The following ALDH5A1 variants were observed in gnomAD, a reference collection of about 807,000 sequenced individuals.
ALDH5A1 encodes succinate-semialdehyde dehydrogenase, mitochondrial.
Under a neutral mutation model 54.7 loss-of-function variants are expected in ALDH5A1, and 33 were observed. That is an observed-to-expected ratio of 0.60 (90% CI 0.46 to 0.81). The LOEUF is 0.81. Ranked by LOEUF, ALDH5A1 falls within the 30% of genes least tolerant of loss-of-function variation. The pLI is 0.00. For synonymous variants in ALDH5A1, 294 were observed against 292.7 expected (o/e 1.00, Z -0.05); for missense variants, 657 against 711.0 (o/e 0.92, Z 0.86).
chr6:24,532,213 C>A (rs1386122781), intron 9 of ALDH5A1, 36 bp downstream of exon 9: 4 of 1,601,624 alleles, frequency 2.5e-6, no homozygotes, highest in Non-Finnish European at 3.4e-6. Flanking sequence ...CAGTCATAAT[C>A]ATTTTTCTCC....
chr6:24,519,123 G>A (rs1052416392), intron 5 of ALDH5A1, among the ~76,000 whole-genome samples: 1 of 151,814 alleles, frequency 6.6e-6, no homozygotes, highest in Admixed American at 6.6e-5. Flanking sequence ...ATGGAGTCTC[G>A]CTCTGTAGCC....
intron 7 of ALDH5A1, among the ~76,000 whole-genome samples, chr6:24,526,903 A>T (rs368922336): frequency 1.5e-3 from 92 of 62,024 alleles, no homozygotes; most frequent in African/African-American, 2.0e-3. Context: ...ATATATATCT[A>T]CTATATATAT....
At chr6:24,516,297 G>A (rs977935389) in intron 5 of ALDH5A1, among the ~76,000 whole-genome samples, 3 of 151,512 alleles carry the variant, frequency 2.0e-5, no homozygotes, top group African/African-American at 2.4e-5. Context: ...TTAGCTGGGC[G>A]TGGTGGCGGG....
chr6:24,501,369 T>C (rs1002635501), intron 1 of ALDH5A1, among the ~76,000 whole-genome samples: 2 of 152,180 alleles, frequency 1.3e-5, no homozygotes, highest in African/African-American at 4.8e-5. Context: ...TGAATCAACT[T>C]GATGGAAGGA....
intron 1 of ALDH5A1, among the ~76,000 whole-genome samples, chr6:24,496,392 G>A (rs769043351): frequency 2.0e-5 from 3 of 152,200 alleles, no homozygotes; most frequent in South Asian, 4.1e-4. Context: ...GAGAGGATCC[G>A]GGCCAGAGGG....
intron 4 of ALDH5A1, among the ~76,000 whole-genome samples, chr6:24,511,611 T>C (rs137862704): frequency 0.017 from 2,605 of 152,088 alleles, 72 homozygotes; most frequent in African/African-American, 0.059. Context: ...TCAATTCTAT[T>C]GCTGAGGCTT....
intron 7 of ALDH5A1, among the ~76,000 whole-genome samples, chr6:24,526,087 A>G (rs527769496): frequency 1.3e-5 from 2 of 152,306 alleles, no homozygotes; most frequent in East Asian, 3.9e-4. Flanking sequence ...GCAAGTTAGA[A>G]TAAACCCAAG....
intron 1 of ALDH5A1, among the ~76,000 whole-genome samples, chr6:24,499,659 ATTTCT>A (rs1205683552): frequency 1.5e-5 from 2 of 135,190 alleles, no homozygotes; most frequent in South Asian, 2.4e-4. Context: ...CACCCAGATA[ATTTCT>A]TTTCTTTTTT....
In ALDH5A1 at chr6:24,527,043, A is replaced by G. The variant is rs374188358; in HGVS notation, c.1174-954A>G. Among the ~76,000 whole-genome samples, 76 of 146,150 alleles carry G rather than the reference A, an allele frequency of 5.2e-4. No individual in the cohort carries two copies. The East Asian group carries it at 0.012, about 23-fold the overall frequency. On this transcript the variant is annotated intron_variant, in intron 7 of 9. Coordinates refer to ENST00000357578, the MANE Select transcript of ALDH5A1 (RefSeq NM_001080.3). ...AAATTTTAGAATATCAGAGCATAGA[A>G]GATCCTAGGAGATTTCAGAGAGGAA... is the stretch of plus-strand genomic sequence containing the variant.
At position 24,503,507 on chromosome 6, in the gene ALDH5A1, G is replaced by A. The variant is rs546274315; in HGVS notation, c.609+74G>A. 867 of 1,542,582 alleles carry A rather than the reference G, an allele frequency of 5.6e-4. 5 individuals carry two copies. In the South Asian group the frequency reaches 8.2e-3, roughly 15 times the overall value. ...GTTGGGAAACAATTCATTCTTCCTC[G>A]TGAGCAGGTGTGCTCATCCTGTTAG... is the stretch of plus-strand genomic sequence containing the variant. On this transcript the variant is annotated intron_variant, in intron 3 of 9. Transcript: ENST00000357578.
At chr6:24,504,779 A>G (rs1263038218) in intron 3 of ALDH5A1, 90 bp from the exon 4 acceptor site, 6 of 1,297,796 alleles carry the variant, frequency 4.6e-6, no homozygotes, top group Non-Finnish European at 6.7e-6. Flanking sequence ...TGTGCAATGA[A>G]ATTTGTTCAC....
chr6:24,515,256 T>C lies in ALDH5A1; in HGVS notation c.816T>C (p.Cys272=), dbSNP rs779994754. The part of the protein sequence containing the change: ...KNAKEVGEAI[C]TDPLVSKISF... ...CCAAGGAAGTAGGGGAGGCAATTTGTACTGATCCTCTGGTGTCCAAAATTT... is the reference window on the plus strand; with the variant it reads ...CCAAGGAAGTAGGGGAGGCAATTTGCACTGATCCTCTGGTGTCCAAAATTT... The change falls in exon 5 of 10, where the codon TGT becomes TGC. Residue 272 remains cysteine (C), a synonymous_variant. Transcript: ENST00000357578. 6.2e-7 allele frequency: 1 copy of C among 1,614,176 alleles called. No individual in the cohort carries two copies. Among genetic ancestry groups the C allele is most frequent in the Non-Finnish European group, 8.5e-7 (1 of 1,180,022 alleles).
At chr6:24,501,223 C>T (rs991905344) in intron 1 of ALDH5A1, among the ~76,000 whole-genome samples, 2 of 152,110 alleles carry the variant, frequency 1.3e-5, no homozygotes, top group East Asian at 1.9e-4. Flanking sequence ...ATCTTGTTAT[C>T]GAAGTGTTCT....
rs1453663231 is a variant in ALDH5A1, at chr6:24,522,880, AG to A, written c.1130del (p.Gly377GlufsTer7). 2 of 1,614,042 alleles carry A rather than the reference AG, an allele frequency of 1.2e-6. No individual in the cohort carries two copies. Among genetic ancestry groups the A allele is most frequent in the African/African-American group, 2.7e-5 (2 of 74,914 alleles). ...NLRVGNGFEE[G>X]TTQGPLINEK... is the part of the protein sequence containing the mutation. Reference sequence around the variant, plus strand: ...TGCGCGTAGGTAATGGATTTGAGGAAGGAACTACTCAGGGCCCATTAATTAA... The same window carrying A: ...TGCGCGTAGGTAATGGATTTGAGGAAGAACTACTCAGGGCCCATTAATTAA... On this transcript the variant is annotated frameshift_variant, in exon 7 of 10. Transcript: ENST00000357578. LOFTEE classifies it high-confidence loss of function.
At chr6:24,497,201 G>T (rs1405301836) in intron 1 of ALDH5A1, among the ~76,000 whole-genome samples, 2 of 152,160 alleles carry the variant, frequency 1.3e-5, no homozygotes, top group African/African-American at 4.8e-5. Context: ...TGGGTGGGGC[G>T]TGGTGGCCAG....
At chr6:24,530,757 G>C (rs923776201) in intron 8 of ALDH5A1, among the ~76,000 whole-genome samples, 3 of 152,250 alleles carry the variant, frequency 2.0e-5, no homozygotes. Context: ...CCCATGGCTG[G>C]TGTACCTGCT....
chr6:24,534,650 G>C lies in ALDH5A1; in HGVS notation c.*938G>C. 1 of 152,302 alleles carries C rather than the reference G, an allele frequency of 6.6e-6. No homozygotes were observed. The allele number at this position is 152,302 out of a possible 1,614,324, so 9.4% of individuals were successfully genotyped here. Reference sequence around the variant, plus strand: ...CTTCACAAAAAAATGAAAATTCTAAGGACATACAAGAGCCATTGTTACGAG... The same window carrying C: ...CTTCACAAAAAAATGAAAATTCTAACGACATACAAGAGCCATTGTTACGAG... On this transcript the variant is annotated 3_prime_UTR_variant, in exon 10 of 10. Transcript: ENST00000357578.
chr6:24,503,783 G>C (rs1030503831), intron 3 of ALDH5A1, among the ~76,000 whole-genome samples: 10 of 152,158 alleles, frequency 6.6e-5, no homozygotes, highest in South Asian at 2.1e-4. Flanking sequence ...CTTAAGATAT[G>C]ATACATTTTT....
chr6:24,508,383 A>AT (rs1759400367), intron 4 of ALDH5A1, among the ~76,000 whole-genome samples: 1 of 52,796 alleles, frequency 1.9e-5, no homozygotes, highest in South Asian at 4.4e-4. Flanking sequence ...AAAAAAAAAA[A>AT]AAAAAGATTA....
Sources: allele counts gnomAD v4.1 joint callset (sites outside exome capture counted in the v4.1 genomes callset), GRCh38; gene constraint gnomAD v4.1.1; transcripts MANE v1.5; gene names NCBI Gene and HGNC (gene_info 2026-07-23, HGNC 2026-07-21).